Variants in CNTN5 observed in about 807,000 individuals in gnomAD.
CNTN5 encodes the protein contactin 5.
Under a neutral mutation model 129.1 loss-of-function variants are expected in CNTN5, and 77 were observed. The ratio of observed to expected loss-of-function variants is 0.60; its 90% CI spans 0.50 to 0.72. The LOEUF (loss-of-function observed/expected upper bound fraction) is 0.72. CNTN5 is among the 30% of genes least tolerant of loss of function. The pLI, the probability that CNTN5 is intolerant of heterozygous loss-of-function variation, is 0.00. For synonymous variants in CNTN5, 509 were observed against 465.6 expected (o/e 1.09, Z -1.20); for missense variants, 1,478 against 1,328.8 (o/e 1.11, Z -1.75).
chr11:100,248,924 T>A (rs1379492385), intron 16 of CNTN5, among the ~76,000 whole-genome samples: 1 of 152,186 alleles, frequency 6.6e-6, no homozygotes, highest in East Asian at 1.9e-4. Context: ...TTATCATAAT[T>A]GGACAAATTT....
chr11:99,049,079 T>C (rs1189140620), intron 1 of CNTN5, among the ~76,000 whole-genome samples: 1 of 152,154 alleles, frequency 6.6e-6, no homozygotes, highest in African/African-American at 2.4e-5. Flanking sequence ...CTGTTCTAAG[T>C]AGTAAAACAT....
chr11:99,522,789 T>C (rs1371643917), intron 2 of CNTN5, among the ~76,000 whole-genome samples: 1 of 152,208 alleles, frequency 6.6e-6, no homozygotes, highest in African/African-American at 2.4e-5. Flanking sequence ...CTTTCTTTAT[T>C]GATATTCTTT....
intron 1 of CNTN5, among the ~76,000 whole-genome samples, chr11:99,101,700 C>A (rs1866741880): frequency 6.6e-6 from 1 of 152,198 alleles, no homozygotes; most frequent in Admixed American, 6.5e-5. Flanking sequence ...GCTCCCATGA[C>A]CTTGGGCAGC....
At chr11:99,500,043 G>A (rs941828872) in intron 2 of CNTN5, among the ~76,000 whole-genome samples, 7 of 152,086 alleles carry the variant, frequency 4.6e-5, no homozygotes, top group Non-Finnish European at 1.0e-4. Flanking sequence ...GTTCTGGGTT[G>A]TAGCTTCCAA....
chr11:99,286,040 GAAA>G (rs1555101324), intron 1 of CNTN5, among the ~76,000 whole-genome samples: 4 of 93,018 alleles, frequency 4.3e-5, no homozygotes, highest in East Asian at 4.2e-4. Context: ...TCCATCTGGA[GAAA>G]AAAAAAAAAA....
intron 1 of CNTN5, among the ~76,000 whole-genome samples, chr11:99,047,787 T>A (rs1344397648): frequency 1.3e-5 from 2 of 152,096 alleles, no homozygotes; most frequent in African/African-American, 4.8e-5. Flanking sequence ...ATTAAACAAG[T>A]ATCCTGTGAC....
chr11:99,848,979 T>C (rs566042889), intron 6 of CNTN5, among the ~76,000 whole-genome samples: 1 of 152,132 alleles, frequency 6.6e-6, no homozygotes, highest in African/African-American at 2.4e-5. Flanking sequence ...CCTTTTACTT[T>C]TTGCCTTTTA....
rs149273270 is a variant in CNTN5 at position 99,652,471 on chromosome 11, G to A, written c.55+96202G>A. On this transcript the variant is annotated intron_variant, in intron 3 of 24. Transcript: ENST00000524871. ...GGTTCTCCCAACATTTAAAAGGAAC[G>A]CTTTATAAGAGCTGTGTCCACCGGA... Among the ~76,000 whole-genome samples, 921 of 152,014 alleles carry A rather than the reference G, an allele frequency of 6.1e-3. 8 individuals are homozygous for A. The highest frequency in any genetic ancestry group is 0.02 in the African/African-American group (850 of 41,496).
At chr11:99,792,838 C>A (rs1945800206) in intron 3 of CNTN5, among the ~76,000 whole-genome samples, 1 of 152,040 alleles carries the variant, frequency 6.6e-6, no homozygotes, top group Non-Finnish European at 1.5e-5. Context: ...TCACTGTCTT[C>A]CTGATTCAGT....
chr11:99,177,523 T>A (rs1857834496), intron 1 of CNTN5, among the ~76,000 whole-genome samples: 1 of 152,198 alleles, frequency 6.6e-6, no homozygotes, highest in Non-Finnish European at 1.5e-5. Flanking sequence ...CACTTTTATG[T>A]GTTTCTCTTC....
chr11:99,773,037 A>G (rs1944998334), intron 3 of CNTN5, among the ~76,000 whole-genome samples: 1 of 150,688 alleles, frequency 6.6e-6, no homozygotes, highest in East Asian at 1.9e-4. Flanking sequence ...AAATTGCCAT[A>G]AGTGAACATA....
chr11:100,158,281 G>T (rs1039843513), intron 13 of CNTN5, among the ~76,000 whole-genome samples: 6 of 151,788 alleles, frequency 4.0e-5, no homozygotes, highest in African/African-American at 1.4e-4. Context: ...GATACAAATT[G>T]CAGTTGTAAG....
At chr11:100,052,947 A>G (rs980595781) in intron 9 of CNTN5, among the ~76,000 whole-genome samples, 5 of 151,754 alleles carry the variant, frequency 3.3e-5, no homozygotes, top group African/African-American at 1.2e-4. Flanking sequence ...ACTTTATTCA[A>G]TAGGGAAAGG....
At chr11:99,896,157 C>T (rs1414375201) in intron 6 of CNTN5, among the ~76,000 whole-genome samples, 1 of 152,142 alleles carries the variant, frequency 6.6e-6, no homozygotes, top group Admixed American at 6.5e-5. Context: ...CATTTGTGGA[C>T]CTCCAGTATG....
Position 99,820,086 on chromosome 11 carries a change from C to T in CNTN5, c.277+321C>T, listed in dbSNP as rs966068212. ...ATGGTTTCATTTCAAATGGAGAGCT[C>T]CCAGGCCTTGAGACAGACACTACTG... On this transcript the variant is annotated intron_variant, in intron 4 of 24. Transcript: ENST00000524871. Among the ~76,000 whole-genome samples the T allele has an allele frequency of 4.6e-5, 7 of 152,204 alleles. 1 individual carries two copies. The South Asian group carries it at 1.5e-3, about 32-fold the overall frequency.
intron 1 of CNTN5, among the ~76,000 whole-genome samples, chr11:99,212,624 C>T (rs996110618): frequency 5.3e-5 from 8 of 152,030 alleles, no homozygotes; most frequent in African/African-American, 1.9e-4. Flanking sequence ...CATCTTATCA[C>T]TACCCACCCT....
intron 1 of CNTN5, among the ~76,000 whole-genome samples, chr11:99,087,855 G>A (rs1276487873): frequency 6.6e-6 from 1 of 152,130 alleles, no homozygotes; most frequent in Non-Finnish European, 1.5e-5. Context: ...CTAAGACACA[G>A]TCTTCTTCCT....
chr11:100,322,553 G>A (rs1951716057), intron 21 of CNTN5, among the ~76,000 whole-genome samples: 1 of 152,138 alleles, frequency 6.6e-6, no homozygotes, highest in African/African-American at 2.4e-5. Flanking sequence ...TACATCGTAA[G>A]AGTACCCCAC....
chr11:99,219,994 TCAGA>T (rs1176293120), intron 1 of CNTN5, among the ~76,000 whole-genome samples: 1 of 151,986 alleles, frequency 6.6e-6, no homozygotes, highest in Admixed American at 6.6e-5. Context: ...TTGGAATCAT[TCAGA>T]GATAGGAACA....
Sources: gnomAD v4.1 joint callset for allele counts (sites outside exome capture counted in the v4.1 genomes callset) on GRCh38, gnomAD v4.1.1 for gene constraint, MANE v1.5 for transcripts, NCBI Gene and HGNC (gene_info 2026-07-23, HGNC 2026-07-21) for gene names.